SORBS2: variants seen among roughly 807,000 people sequenced by gnomAD.
The protein encoded by SORBS2 is sorbin and SH3 domain containing 2, also known as sorbin and SH3 domain-containing protein 2.
SORBS2 carries 46 observed loss-of-function variants against 97.7 expected under a neutral mutation model. The observed-to-expected ratio is 0.47, with a 90% confidence interval of 0.37 to 0.60. The LOEUF (loss-of-function observed/expected upper bound fraction) is 0.60. SORBS2 is among the 20% of genes least tolerant of loss of function. The pLI, the probability that SORBS2 is intolerant of heterozygous loss-of-function variation, is 0.00. For synonymous variants in SORBS2, 476 were observed against 473.4 expected, an observed-to-expected ratio of 1.01 and a Z score of -0.07; for missense variants, 1,316 against 1,282.3, an observed-to-expected ratio of 1.03 and a Z score of -0.40.
intron 4 of SORBS2, among the ~76,000 whole-genome samples, chr4:185,642,180 A>G (rs536818020): frequency 6.6e-6 from 1 of 152,154 alleles, no homozygotes; most frequent in Non-Finnish European, 1.5e-5. Flanking sequence ...AACTCCTTAA[A>G]TTTTTATAGT....
chr4:185,899,538 C>A (rs796209965), intron 1 of SORBS2, among the ~76,000 whole-genome samples: 1 of 152,050 alleles, frequency 6.6e-6, no homozygotes, highest in Non-Finnish European at 1.5e-5. Flanking sequence ...CGATCCTCCC[C>A]CCTCAGCCTC....
At chr4:185,870,635 C>T (rs1434253259) in intron 1 of SORBS2, among the ~76,000 whole-genome samples, 3 of 152,304 alleles carry the variant, frequency 2.0e-5, no homozygotes, top group Middle Eastern at 3.4e-3. Context: ...CATGCGGCTC[C>T]GGCTTTGCTC....
At chr4:185,670,232 A>G (rs2097692140) in intron 4 of SORBS2, among the ~76,000 whole-genome samples, 1 of 152,188 alleles carries the variant, frequency 6.6e-6, no homozygotes, top group African/African-American at 2.4e-5. Context: ...TTTAAAAAAA[A>G]AAGGTTTATT....
chr4:185,606,934 A>G lies in SORBS2; in HGVS notation c.2796+4846T>C, dbSNP rs1443274822. On this transcript the variant is annotated intron_variant, in intron 12 of 14. Coordinates refer to ENST00000418609, the Ensembl canonical transcript of SORBS2. The surrounding 1 kb of genome is among the most constrained non-coding windows in gnomAD (Gnocchi z 4.3). ...TTTAGGGTCTGAGAAGCCCCTTCTC[A>G]TTTTTCTCAACTCTGCAAAGTTGCT... The G allele has an allele frequency of 2.0e-6, 2 of 990,614 alleles. No individual in the cohort carries two copies. The highest frequency in any genetic ancestry group is 2.4e-6 in the Non-Finnish European group (2 of 832,992). 61.4% of individuals were successfully genotyped at this position (990,614 alleles called of 1,614,324 possible).
intron 1 of SORBS2, among the ~76,000 whole-genome samples, chr4:185,929,592 A>G (rs906294101): frequency 1.0e-4 from 15 of 150,280 alleles, no homozygotes; most frequent in Admixed American, 9.3e-4. Flanking sequence ...CAGTGGTGCA[A>G]TCTCGACTCA....
chr4:185,618,722 TC>T, intron 8 of SORBS2, 91 bp from the exon 21 acceptor site: 1 of 675,106 alleles, frequency 1.5e-6, no homozygotes, highest in Non-Finnish European at 2.5e-6. Context: ...AAAGGAAACC[TC>T]AGGGAATCAT....
intron 1 of SORBS2, among the ~76,000 whole-genome samples, chr4:185,917,389 G>A (rs2099258758): frequency 6.6e-6 from 1 of 152,088 alleles, no homozygotes; most frequent in Non-Finnish European, 1.5e-5. Flanking sequence ...ACCATGCCTA[G>A]CTCATCTTTT....
chr4:185,614,162 T>G (rs1402829782), intron 11 of SORBS2, among the ~76,000 whole-genome samples: 9 of 79,034 alleles, frequency 1.1e-4, no homozygotes, highest in African/African-American at 3.3e-4. Context: ...TTTTTGTGTT[T>G]TTTTTTTTTT....
chr4:185,931,666 C>T (rs2099266490), intron 1 of SORBS2, among the ~76,000 whole-genome samples: 1 of 152,096 alleles, frequency 6.6e-6, no homozygotes, highest in Admixed American at 6.6e-5. Flanking sequence ...AGGGGACTTT[C>T]ATTAAACTGA....
chr4:185,720,892 A>C (rs2098507464), intron 2 of SORBS2, among the ~76,000 whole-genome samples: 1 of 152,084 alleles, frequency 6.6e-6, no homozygotes, highest in Non-Finnish European at 1.5e-5. Flanking sequence ...GCTCCGACAC[A>C]AAGTGACAGC....
In SORBS2 at chr4:185,710,328, G is replaced by A. The variant is rs142254311; in HGVS notation, c.-197-31506C>T. ...AGCTGTGGATGCCTCATTGTTGCTC[G>A]TCTTGCGACATAAAATAACAGCATG... On this transcript the variant is annotated intron_variant, in intron 2 of 20. Transcript: ENST00000284776. 3.2e-3 allele frequency among the ~76,000 whole-genome samples: 495 copies of A among 152,314 alleles called. 3 individuals carry two copies. The highest frequency in any genetic ancestry group is 0.011 in the African/African-American group (473 of 41,562).
chr4:185,686,890 T>C (rs1444476265), intron 2 of SORBS2, among the ~76,000 whole-genome samples: 1 of 152,162 alleles, frequency 6.6e-6, no homozygotes. Flanking sequence ...AACACAGTGC[T>C]AACTGTTGGA....
exon 15 of SORBS2, chr4:185,586,575 A>T (rs2095803170): frequency 6.6e-6 from 1 of 152,648 alleles, no homozygotes; most frequent in Admixed American, 6.5e-5. Context: ...TATTTCTATA[A>T]AATAATGTGT....
chr4:185,844,862 T>C (rs1449514310), intron 1 of SORBS2, among the ~76,000 whole-genome samples: 1 of 152,162 alleles, frequency 6.6e-6, no homozygotes, highest in Admixed American at 6.5e-5. Flanking sequence ...CGAAAGACTA[T>C]ATGTAACACG....
intron 2 of SORBS2, among the ~76,000 whole-genome samples, chr4:185,695,251 G>C (rs1480312351): frequency 6.6e-6 from 1 of 152,014 alleles, no homozygotes; most frequent in Admixed American, 6.6e-5. Flanking sequence ...CCTTTCCCCA[G>C]TTTTGGCTAA....
At chr4:185,604,180 C>CT (rs1226002806) in intron 12 of SORBS2, among the ~76,000 whole-genome samples, 5 of 152,150 alleles carry the variant, frequency 3.3e-5, no homozygotes, top group African/African-American at 1.2e-4. Flanking sequence ...GCAAATATGT[C>CT]TTTTAAATGT....
chr4:185,680,755 G>T (rs993558151), intron 2 of SORBS2, among the ~76,000 whole-genome samples: 2 of 152,118 alleles, frequency 1.3e-5, no homozygotes, highest in African/African-American at 4.8e-5. Flanking sequence ...TGAGAAAGAA[G>T]AAGGTGTACT....
chr4:185,674,804 T>A (rs1157807313), intron 4 of SORBS2, among the ~76,000 whole-genome samples: 1 of 152,180 alleles, frequency 6.6e-6, no homozygotes, highest in Non-Finnish European at 1.5e-5. Context: ...TTCTTCCTCC[T>A]TCAAAGCTGT....
intron 2 of SORBS2, among the ~76,000 whole-genome samples, chr4:185,718,699 C>T (rs1003558968): frequency 7.2e-5 from 11 of 152,162 alleles, no homozygotes; most frequent in Admixed American, 7.2e-4. Context: ...AAACAATGCA[C>T]TTCTTTGGGA....
Sources: gnomAD v4.1 joint callset for allele counts (sites outside exome capture counted in the v4.1 genomes callset) on GRCh38, gnomAD v4.1.1 for gene constraint, Gnocchi (gnomAD v3.1) non-coding constraint, MANE v1.5 for transcripts, NCBI Gene and HGNC (gene_info 2026-07-23, HGNC 2026-07-21) for gene names.